PMFBP1: variants seen among roughly 807,000 people sequenced by gnomAD.
PMFBP1 encodes polyamine modulated factor 1 binding protein 1.
A neutral mutation model predicts 137.8 loss-of-function variants in PMFBP1; 131 were observed. The observed-to-expected ratio is 0.95, with a 90% CI of 0.82 to 1.10. The LOEUF (loss-of-function observed/expected upper bound fraction) is 1.10, where lower values mean the gene tolerates loss of function less well. Among genes scored for constraint, PMFBP1 ranks in the 50% least tolerant of loss-of-function variants. PMFBP1 has a pLI of 0.00. For synonymous variants in PMFBP1, 490 were observed against 450.4 expected (o/e 1.09, Z -1.11); for missense variants, 1,199 against 1,175.4 (o/e 1.02, Z -0.29).
intron 3 of PMFBP1, among the ~76,000 whole-genome samples, chr16:72,161,094 CTTTTTTTT>C (rs35611285): frequency 8.0e-6 from 1 of 124,942 alleles, no homozygotes; most frequent in Non-Finnish European, 1.7e-5. Flanking sequence ...TTATCTGTTA[CTTTTTTTT>C]TTTTTTTTTT....
At chr16:72,217,507 C>T in the PMFBP1 span, among the ~76,000 whole-genome samples, 6 of 152,202 alleles carry the variant, frequency 3.9e-5, no homozygotes, top group African/African-American at 1.4e-4. Flanking sequence ...GTAATGGCTA[C>T]AGACACAACA....
chr16:72,223,949 T>C, the PMFBP1 span, among the ~76,000 whole-genome samples: 1 of 152,220 alleles, frequency 6.6e-6, no homozygotes, highest in Non-Finnish European at 1.5e-5. Context: ...AGGATAGCAT[T>C]GCAAATTCTT....
chr16:72,117,125 C>T (rs2042316357), downstream of PMFBP1, among the ~76,000 whole-genome samples: 1 of 150,218 alleles, frequency 6.7e-6, no homozygotes, highest in Non-Finnish European at 1.5e-5. Context: ...AATATTAAGT[C>T]TTTCAATCCA....
chr16:72,212,424 C>T, the PMFBP1 span, among the ~76,000 whole-genome samples: 1 of 151,352 alleles, frequency 6.6e-6, no homozygotes, highest in Non-Finnish European at 1.5e-5. Context: ...AGCCTGTGGC[C>T]TGTTTCTATG....
the PMFBP1 span, among the ~76,000 whole-genome samples, chr16:72,214,472 G>C: frequency 1.3e-5 from 2 of 152,188 alleles, no homozygotes; most frequent in African/African-American, 4.8e-5. Context: ...ACTGCGTGGA[G>C]CCACTGCTCC....
At chr16:72,224,507 AT>A in the PMFBP1 span, 1 of 152,394 alleles carries the variant, frequency 6.6e-6, no homozygotes. Flanking sequence ...CTAATTACAC[AT>A]TTTTGATTCT....
At chr16:72,177,679 T>C (rs1392882136), upstream of PMFBP1, among the ~76,000 whole-genome samples, 1 of 152,344 alleles carries the variant, frequency 6.6e-6, no homozygotes, top group African/African-American at 2.4e-5. Flanking sequence ...CAAAACTGCA[T>C]ACTTTGTTAG....
At position 72,125,402 on chromosome 16, in the gene PMFBP1, TG is replaced by T. The variant is rs764048037; in HGVS notation, c.2256del (p.Asn753IlefsTer3). ...QDDLTQALEK[L>X]NHVTSETKSL... is the part of the protein sequence containing the mutation. ...CTCTTTGTCTCTGAGGTCACGTGAT[TG>T]AGCTTCCGGAAAAGACAAAGAGGAC... On this transcript the variant is annotated frameshift_variant and splice_region_variant, in exon 16 of 21. Coordinates refer to ENST00000237353, the MANE Select transcript of PMFBP1 (RefSeq NM_031293.3). LOFTEE classifies it high-confidence loss of function. The T allele has an allele frequency of 1.2e-6, 2 of 1,608,698 alleles. No homozygotes were observed. Among genetic ancestry groups the T allele is most frequent in the Non-Finnish European group, 1.7e-6 (2 of 1,178,642 alleles).
At chr16:72,143,990 G>C (rs1024912769) in intron 5 of PMFBP1, among the ~76,000 whole-genome samples, 3 of 151,902 alleles carry the variant, frequency 2.0e-5, no homozygotes, top group Non-Finnish European at 4.4e-5. Context: ...GCAGTGAGCC[G>C]AGATTGCACC....
At chr16:72,206,494 T>C in the PMFBP1 span, among the ~76,000 whole-genome samples, 1 of 152,184 alleles carries the variant, frequency 6.6e-6, no homozygotes, top group Non-Finnish European at 1.5e-5. Flanking sequence ...TGCACTGAAA[T>C]GCATACGGCC....
chr16:72,187,846 G>C, the PMFBP1 span, among the ~76,000 whole-genome samples: 1 of 152,202 alleles, frequency 6.6e-6, no homozygotes, highest in Non-Finnish European at 1.5e-5. Context: ...TTGGGGAGTA[G>C]CCAATCAGAC....
Position 72,119,161 on chromosome 16 carries a change from T to C in PMFBP1, c.*177A>G. The C allele has an allele frequency of 1.5e-6, 1 of 659,818 alleles. No individual in the cohort carries two copies. The allele number at this position is 659,818 out of a possible 1,614,324, so 40.9% of individuals were successfully genotyped here. On this transcript the variant is annotated 3_prime_UTR_variant, in exon 21 of 21. Transcript: ENST00000237353. ...GGAGATGGTAGTATGGTTCTAAAGC[T>C]CACTCCATGGCAGGAAGTGGACAAA...
chr16:72,125,216 C>G, intron 16 of PMFBP1, 22 bp downstream of exon 16: 1 of 1,607,218 alleles, frequency 6.2e-7, no homozygotes. Context: ...GAAGGCAGCC[C>G]AAGCCCCTGG....
intron 3 of PMFBP1, among the ~76,000 whole-genome samples, chr16:72,159,703 A>C (rs2043032963): frequency 6.6e-6 from 1 of 152,216 alleles, no homozygotes; most frequent in South Asian, 2.1e-4. Flanking sequence ...GGAATAGAAA[A>C]AGACACGCTA....
At chr16:72,152,851 A>T (rs1261021138) in intron 4 of PMFBP1, among the ~76,000 whole-genome samples, 1 of 150,922 alleles carries the variant, frequency 6.6e-6, no homozygotes, top group Non-Finnish European at 1.5e-5. Context: ...TCTCAAAAAA[A>T]AAAAAAAAAA....
chr16:72,206,174 A>C, the PMFBP1 span, among the ~76,000 whole-genome samples: 1 of 152,178 alleles, frequency 6.6e-6, no homozygotes, highest in Non-Finnish European at 1.5e-5. Context: ...ATCTGGGCTC[A>C]CATTCTAGCT....
At chr16:72,204,518 C>T in the PMFBP1 span, among the ~76,000 whole-genome samples, 1 of 152,054 alleles carries the variant, frequency 6.6e-6, no homozygotes, top group South Asian at 2.1e-4. Context: ...GCACATTTAT[C>T]CCCTGAACCA....
At chr16:72,190,798 C>T in the PMFBP1 span, among the ~76,000 whole-genome samples, 1 of 152,246 alleles carries the variant, frequency 6.6e-6, no homozygotes, top group African/African-American at 2.4e-5. Context: ...TTCTTTCAGG[C>T]AGTGAAGCAT....
intron 5 of PMFBP1, among the ~76,000 whole-genome samples, chr16:72,147,191 A>G (rs2042821840): frequency 6.6e-6 from 1 of 152,158 alleles, no homozygotes; most frequent in South Asian, 2.1e-4. Context: ...GACCAATGGA[A>G]CAGAACAGAG....
Sources: allele counts gnomAD v4.1 joint callset (sites outside exome capture counted in the v4.1 genomes callset), GRCh38; gene constraint gnomAD v4.1.1; transcripts MANE v1.5; gene names NCBI Gene and HGNC (gene_info 2026-07-23, HGNC 2026-07-21).